Variants in USP32 observed in about 807,000 individuals in gnomAD.
USP32 encodes ubiquitin specific peptidase 32, also known as ubiquitin carboxyl-terminal hydrolase 32.
A neutral mutation model predicts 204.8 loss-of-function variants in USP32; 59 were observed. The observed-to-expected ratio is 0.29, with a 90% CI of 0.23 to 0.36. USP32 has a LOEUF of 0.36. Among genes scored for constraint, USP32 ranks in the 10% least tolerant of loss-of-function variants. The pLI is 1.00. For synonymous variants in USP32, 517 were observed against 678.4 expected (o/e 0.76, Z 3.70); for missense variants, 1,160 against 1,946.4 (o/e 0.60, Z 7.60).
At chr17:60,400,776 T>C (rs745895290) in intron 1 of USP32, among the ~76,000 whole-genome samples, 21 of 152,090 alleles carry the variant, frequency 1.4e-4, no homozygotes, top group Non-Finnish European at 2.6e-4. Context: ...ATCCCAGCTA[T>C]TTGGGATGCT....
chr17:60,368,990 GA>G (rs1157461690), intron 1 of USP32, among the ~76,000 whole-genome samples: 32 of 123,038 alleles, frequency 2.6e-4, no homozygotes, highest in Admixed American at 2.2e-4. Context: ...TTTTTTAAAA[GA>G]TTTTTTTTTT....
At chr17:60,242,638 T>G (rs947451020) in intron 11 of USP32, among the ~76,000 whole-genome samples, 3 of 152,172 alleles carry the variant, frequency 2.0e-5, no homozygotes, top group Admixed American at 2.0e-4. Context: ...CTCAAACTTC[T>G]GACATCAGTG....
Position 60,368,240 on chromosome 17 carries a change from T to C in USP32, c.59-22632A>G, listed in dbSNP as rs190527130. On this transcript the variant is annotated intron_variant, in intron 1 of 33. Transcript: ENST00000300896. Reference sequence around the variant, plus strand: ...ACAGTATTTAGAGATACTGAAGCATTTCACACTGTACAACAGCACTGGATA... The same window carrying C: ...ACAGTATTTAGAGATACTGAAGCATCTCACACTGTACAACAGCACTGGATA... Among the ~76,000 whole-genome samples, 5 of 152,324 alleles carry C rather than the reference T, an allele frequency of 3.3e-5. No individual in the cohort carries two copies. The East Asian group carries it at 9.6e-4, about 29-fold the overall frequency.
rs2084574437 is a variant in USP32 at position 60,198,245 on chromosome 17, A to G, written c.3434+15T>C. ...GTTTGGAAACCACAGGTTTAGATGG[A>G]TCCCCTGAACTCACCAATCCTGGGC... On this transcript the variant is annotated intron_variant, in intron 27 of 33. Transcript: ENST00000300896. The G allele has an allele frequency of 6.2e-7, 1 of 1,611,948 alleles. No homozygotes were observed. Among genetic ancestry groups the G allele is most frequent in the South Asian group, 1.1e-5 (1 of 90,786 alleles).
chr17:60,412,195 G>A (rs28549315), intron 1 of USP32, among the ~76,000 whole-genome samples: 3,541 of 152,084 alleles, frequency 0.023, 165 homozygotes, highest in African/African-American at 0.081. Context: ...TAATTGCCTA[G>A]GATATTTATG....
chr17:60,398,073 T>C (rs1279465679), intron 1 of USP32, among the ~76,000 whole-genome samples: 1 of 152,188 alleles, frequency 6.6e-6, no homozygotes, highest in Non-Finnish European at 1.5e-5. Flanking sequence ...TAGTTAAAAT[T>C]GTTTTGGCAG....
At chr17:60,321,128 A>C (rs1359543472) in intron 2 of USP32, among the ~76,000 whole-genome samples, 2 of 152,190 alleles carry the variant, frequency 1.3e-5, no homozygotes, top group Admixed American at 6.5e-5. Context: ...GGAGAGGAAG[A>C]AGCTCAGGAA....
intron 18 of USP32, among the ~76,000 whole-genome samples, 175 bp from the exon 19 acceptor site, chr17:60,212,273 TG>T (rs2084989077): frequency 6.6e-6 from 1 of 152,192 alleles, no homozygotes; most frequent in South Asian, 2.1e-4. Context: ...CATCATTAGG[TG>T]ATTTTGTCTT....
intron 29 of USP32, among the ~76,000 whole-genome samples, chr17:60,188,797 G>A (rs899562758): frequency 3.9e-5 from 6 of 152,124 alleles, no homozygotes; most frequent in South Asian, 2.1e-4. Flanking sequence ...TTTAAACCAC[G>A]GTATCTCTTT....
chr17:60,389,956 G>A lies in USP32; in HGVS notation c.58+1926C>T, dbSNP rs192073922. 6.3e-4 allele frequency among the ~76,000 whole-genome samples: 96 copies of A among 152,158 alleles called. No homozygotes were observed. The Middle Eastern group carries it at 0.037, about 59-fold the overall frequency. On this transcript the variant is annotated intron_variant, in intron 1 of 33. Transcript: ENST00000300896. ...GGCGTGAACCCGGGAGGCGGGGCTT[G>A]CAGTGAGCCGAGATCGCGCCACTGC...
At chr17:60,237,158 CTAT>C (rs1236791095) in intron 11 of USP32, among the ~76,000 whole-genome samples, 1 of 144,360 alleles carries the variant, frequency 6.9e-6, no homozygotes, top group African/African-American at 2.6e-5. Flanking sequence ...ATCTATCTAT[CTAT>C]CTACAGAATC....
At position 60,419,732 on chromosome 17, in the gene USP32, C is replaced by CA. The variant is rs774695354; in HGVS notation, c.106+2513dup. On this transcript the variant is annotated intron_variant, in intron 1 of 3. Coordinates refer to the USP32 transcript ENST00000588898. ...TGGGTGACACAGCGAGACACCATCT[C>CA]AAAAAAAAAAAAAAAATTCTGTGCA... Among the ~76,000 whole-genome samples, 295 of 82,166 alleles carry CA rather than the reference C, an allele frequency of 3.6e-3. 1 individual carries two copies. The highest frequency in any genetic ancestry group is 5.3e-3 in the Non-Finnish European group (216 of 40,816). The allele number at this position is 82,166 out of a possible 152,430, so 53.9% of individuals were successfully genotyped here.
upstream of USP32, among the ~76,000 whole-genome samples, chr17:60,396,066 A>G (rs2089898183): frequency 1.5e-5 from 2 of 137,730 alleles, no homozygotes; most frequent in Admixed American, 7.1e-5. Context: ...AAAGCACTTG[A>G]AGCTTTTTTT....
chr17:60,263,135 A>C (rs1168877487), intron 9 of USP32, among the ~76,000 whole-genome samples: 1 of 151,954 alleles, frequency 6.6e-6, no homozygotes, highest in Non-Finnish European at 1.5e-5. Context: ...TTTTTTAGAG[A>C]TAGAGTCTCG....
chr17:60,271,068 C>T (rs1185391688), intron 6 of USP32, among the ~76,000 whole-genome samples: 1 of 152,164 alleles, frequency 6.6e-6, no homozygotes, highest in Non-Finnish European at 1.5e-5. Context: ...ACTAATGCAC[C>T]TTACTGGAAC....
intron 4 of USP32, among the ~76,000 whole-genome samples, chr17:60,288,974 T>C (rs2087194541): frequency 6.6e-6 from 1 of 152,222 alleles, no homozygotes; most frequent in African/African-American, 2.4e-5. Flanking sequence ...TTGCTAAGTA[T>C]ATCCCAAAAC....
intron 12 of USP32, among the ~76,000 whole-genome samples, chr17:60,232,919 G>C (rs2085612120): frequency 6.6e-6 from 1 of 152,068 alleles, no homozygotes; most frequent in Non-Finnish European, 1.5e-5. Flanking sequence ...ACCTTATATA[G>C]AGTTTCTATC....
intron 5 of USP32, among the ~76,000 whole-genome samples, chr17:60,284,237 C>A: frequency 6.9e-6 from 1 of 144,542 alleles, no homozygotes; most frequent in East Asian, 2.0e-4. Context: ...TTTTTGAGAC[C>A]AAGTCTCGCC....
At chr17:60,288,397 G>C in intron 5 of USP32, 126 bp downstream of exon 5, 1 of 1,143,368 alleles carries the variant, frequency 8.7e-7, no homozygotes. Context: ...CCACGATGGT[G>C]CCACTGCACT....
Sources: allele counts gnomAD v4.1 joint callset (sites outside exome capture counted in the v4.1 genomes callset), GRCh38; gene constraint gnomAD v4.1.1; transcripts MANE v1.5; gene names NCBI Gene and HGNC (gene_info 2026-07-23, HGNC 2026-07-21).